The following BMAL2 variants were observed in gnomAD, a reference collection of about 807,000 sequenced individuals.
BMAL2 encodes basic helix-loop-helix ARNT-like protein 2.
the BMAL2 span, among the ~76,000 whole-genome samples, chr12:27,362,443 A>G: frequency 0.13 from 19,401 of 152,172 alleles, 1,403 homozygotes; most frequent in Non-Finnish European, 0.17. Flanking sequence ...TGTGAGATCT[A>G]TTATACCTGT....
chr12:27,409,712 A>G, the BMAL2 span, among the ~76,000 whole-genome samples: 1 of 152,172 alleles, frequency 6.6e-6, no homozygotes, highest in Non-Finnish European at 1.5e-5. Flanking sequence ...AAACACCAAA[A>G]GCAATGGCAA....
the BMAL2 span, among the ~76,000 whole-genome samples, chr12:27,367,540 A>G: frequency 6.6e-6 from 1 of 152,148 alleles, no homozygotes; most frequent in East Asian, 1.9e-4. Context: ...GGATTGTAAC[A>G]TTGGTTTGTG....
the BMAL2 span, chr12:27,402,719 ATAT>A: frequency 6.6e-7 from 1 of 1,523,738 alleles, no homozygotes; most frequent in Non-Finnish European, 9.0e-7. Context: ...TTACTAAGAC[ATAT>A]TATTAAGACT....
At chr12:27,412,090 T>C in the BMAL2 span, among the ~76,000 whole-genome samples, 513 of 152,318 alleles carry the variant, frequency 3.4e-3, 5 homozygotes, top group African/African-American at 0.012. Flanking sequence ...TTTCCCATAG[T>C]ATTTGTTGCA....
chr12:27,379,758 G>T, the BMAL2 span, among the ~76,000 whole-genome samples: 1 of 152,096 alleles, frequency 6.6e-6, no homozygotes, highest in African/African-American at 2.4e-5. Flanking sequence ...AGTTTGCTGA[G>T]GGGGGAAGAC....
the BMAL2 span, among the ~76,000 whole-genome samples, chr12:27,339,667 C>A: frequency 6.6e-6 from 1 of 151,906 alleles, no homozygotes; most frequent in African/African-American, 2.4e-5. Flanking sequence ...CTCTGTCACC[C>A]AGGCTGGAGT....
chr12:27,356,907 C>A, the BMAL2 span, among the ~76,000 whole-genome samples: 66 of 152,082 alleles, frequency 4.3e-4, no homozygotes, highest in East Asian at 0.011. Flanking sequence ...CCTCACCCCC[C>A]CACCCTTTCC....
At chr12:27,407,243 C>T in the BMAL2 span, among the ~76,000 whole-genome samples, 1 of 152,280 alleles carries the variant, frequency 6.6e-6, no homozygotes, top group South Asian at 2.1e-4. Flanking sequence ...CCAAGCAGAC[C>T]TAATAGACAT....
chr12:27,390,908 A>T, the BMAL2 span, among the ~76,000 whole-genome samples: 37 of 152,294 alleles, frequency 2.4e-4, no homozygotes, highest in African/African-American at 8.9e-4. Flanking sequence ...CTTTAAAAGG[A>T]TATTTATATG....
the BMAL2 span, chr12:27,389,853 C>T: frequency 2.9e-6 from 1 of 343,380 alleles, no homozygotes; most frequent in Non-Finnish European, 5.2e-6. Flanking sequence ...CTTTGTTCTT[C>T]CCCATTTGAG....
chr12:27,341,617 A>G, the BMAL2 span, among the ~76,000 whole-genome samples: 550 of 152,316 alleles, frequency 3.6e-3, 6 homozygotes, highest in African/African-American at 0.012. Context: ...AGGTATCTGC[A>G]CTTTCCACAT....
chr12:27,416,044 CA>C, the BMAL2 span: 9,166 of 708,318 alleles, frequency 0.013, 10 homozygotes, highest in African/African-American at 0.021. Context: ...GCCATTCTGT[CA>C]AAAAAAAAAT....
the BMAL2 span, among the ~76,000 whole-genome samples, chr12:27,399,355 C>G: frequency 6.6e-6 from 1 of 152,072 alleles, no homozygotes; most frequent in South Asian, 2.1e-4. Context: ...CACTCACTAT[C>G]AGCAAATGGT....
At chr12:27,390,138 G>A in the BMAL2 span, 134 of 1,614,036 alleles carry the variant, frequency 8.3e-5, 1 homozygote, top group Middle Eastern at 4.9e-4. Flanking sequence ...GGAAGGACAC[G>A]TGTGTATTCT....
chr12:27,381,042 C>T, the BMAL2 span, among the ~76,000 whole-genome samples: 1 of 151,968 alleles, frequency 6.6e-6, no homozygotes, highest in Non-Finnish European at 1.5e-5. Context: ...TTCTATCCTT[C>T]AAAAAGAAAA....
the BMAL2 span, chr12:27,387,310 A>C: frequency 6.3e-7 from 1 of 1,595,576 alleles, no homozygotes; most frequent in Non-Finnish European, 8.6e-7. Context: ...AAAATACTTA[A>C]TTATGATCAG....
chr12:27,405,722 C>A, the BMAL2 span, among the ~76,000 whole-genome samples: 1 of 152,142 alleles, frequency 6.6e-6, no homozygotes, highest in South Asian at 2.1e-4. Context: ...CAGCTCCTTA[C>A]CAGCAATGGA....
chr12:27,376,782 C>G, the BMAL2 span, among the ~76,000 whole-genome samples: 1 of 151,830 alleles, frequency 6.6e-6, no homozygotes, highest in Non-Finnish European at 1.5e-5. Flanking sequence ...AGGTGGATCA[C>G]GAGTTCAGGA....
the BMAL2 span, chr12:27,380,528 G>A: frequency 3.0e-6 from 3 of 998,684 alleles, no homozygotes; most frequent in Admixed American, 2.2e-5. Flanking sequence ...CAGCTTTAGA[G>A]GTATTCACTG....
Sources: allele counts gnomAD v4.1 joint callset (sites outside exome capture counted in the v4.1 genomes callset), GRCh38; gene constraint gnomAD v4.1.1; transcripts MANE v1.5; gene names NCBI Gene and HGNC (gene_info 2026-07-23, HGNC 2026-07-21).